Variants in ZNF704 observed in about 807,000 individuals in gnomAD.
ZNF704 encodes the protein glucocorticoid induced gene 1.
In ZNF704, 10 loss-of-function variants were observed where a neutral mutation model predicts 44.7. The observed-to-expected ratio is 0.22, with a 90% CI of 0.14 to 0.38. The LOEUF (loss-of-function observed/expected upper bound fraction) is 0.38. ZNF704 is among the 10% of genes least tolerant of loss of function. The probability of loss-of-function intolerance (pLI) is 1.00; values close to 1 mark genes in which losing one functional copy is unlikely to be tolerated. For synonymous variants in ZNF704, 211 were observed against 207.6 expected (o/e 1.02, Z -0.14); for missense variants, 390 against 545.5 (o/e 0.71, Z 2.84).
At chr8:80,657,555 T>C (rs911049732) in intron 7 of ZNF704, among the ~76,000 whole-genome samples, 5 of 152,004 alleles carry the variant, frequency 3.3e-5, no homozygotes, top group African/African-American at 9.7e-5. Context: ...TAGCCAGGTG[T>C]GATGGTGTGC....
intron 2 of ZNF704, among the ~76,000 whole-genome samples, chr8:80,763,105 T>A (rs758251977): frequency 6.6e-6 from 1 of 152,206 alleles, no homozygotes; most frequent in African/African-American, 2.4e-5. Flanking sequence ...TGGGCTGGCA[T>A]TGAGTGTCTG....
intron 1 of ZNF704, among the ~76,000 whole-genome samples, chr8:80,848,090 G>C (rs1808795976): frequency 6.6e-6 from 1 of 152,170 alleles, no homozygotes; most frequent in South Asian, 2.1e-4. Context: ...GGTACTGATA[G>C]CTGGATGAAT....
At chr8:80,836,059 G>A (rs890208921) in intron 1 of ZNF704, among the ~76,000 whole-genome samples, 1 of 152,050 alleles carries the variant, frequency 6.6e-6, no homozygotes, top group African/African-American at 2.4e-5. Flanking sequence ...CCTCCTAATG[G>A]TAGCCAGACT....
rs767310723 is a variant in ZNF704, at chr8:80,687,316, G to A, written c.468C>T (p.Pro156=). 6.2e-7 allele frequency: 1 copy of A among 1,612,584 alleles called. No individual in the cohort carries two copies. The highest frequency in any genetic ancestry group is 1.3e-5 in the African/African-American group (1 of 75,074). ...CGTCTGGCTGCGCGGGGCTGCGGAA[G>A]GGCTTGAAGCTGTCAGCCGAGAGCG... ...SPPLSADSFK[P]FRSPAQPDDG... is the part of the protein sequence containing the mutation. The change falls in exon 4 of 9, where the codon CCC becomes CCT. Residue 156 remains proline, a synonymous_variant. Coordinates refer to ENST00000327835, the MANE Select transcript of ZNF704 (RefSeq NM_001033723.3).
chr8:80,832,270 T>C (rs892324986), intron 1 of ZNF704, among the ~76,000 whole-genome samples: 1 of 152,232 alleles, frequency 6.6e-6, no homozygotes, highest in Non-Finnish European at 1.5e-5. Flanking sequence ...TTTCTCTAAA[T>C]GGTATCCTTT....
At position 80,637,037 on chromosome 8, in the gene ZNF704, ACCACCCCCACCCCGTCCC is replaced by A. The variant is rs1439613048; in HGVS notation, c.*4311_*4328del. On this transcript the variant is annotated 3_prime_UTR_variant, in exon 9 of 9. Transcript: ENST00000327835. Reference sequence around the variant, plus strand: ...AAAAGCCTTACGTGAGTCTAGGAATACCACCCCCACCCCGTCCCCCTCCCCCACCCCCAGGCATTGCAC... The same window carrying A: ...AAAAGCCTTACGTGAGTCTAGGAATACCTCCCCCACCCCCAGGCATTGCAC... 1 of 151,724 alleles carries A rather than the reference ACCACCCCCACCCCGTCCC, an allele frequency of 6.6e-6. No individual in the cohort carries two copies. Among genetic ancestry groups the A allele is most frequent in the Non-Finnish European group, 1.5e-5 (1 of 67,974 alleles). 9.4% of individuals were successfully genotyped at this position (151,724 alleles called of 1,614,324 possible). A position where few individuals can be genotyped will look rare whatever the true frequency, so the allele number is the denominator to read the frequency against.
At chr8:80,642,942 A>G in intron 8 of ZNF704, 93 bp downstream of exon 8, 1 of 812,436 alleles carries the variant, frequency 1.2e-6, no homozygotes, top group East Asian at 3.2e-5. Context: ...GAGAAATTTT[A>G]TAGAAGATCA....
At chr8:80,672,316 A>C (rs7840990) in intron 4 of ZNF704, among the ~76,000 whole-genome samples, 14,069 of 152,168 alleles carry the variant, frequency 0.092, 898 homozygotes, top group African/African-American at 0.18. Flanking sequence ...TACACTGGTG[A>C]CGGGAGTGTG....
At chr8:80,663,835 C>T (rs1364356069) in intron 6 of ZNF704, among the ~76,000 whole-genome samples, 2 of 151,848 alleles carry the variant, frequency 1.3e-5, no homozygotes, top group Non-Finnish European at 2.9e-5. Flanking sequence ...TCAGGTGATC[C>T]TCCCACACCT....
In ZNF704 at chr8:80,818,328, T is replaced by C. The variant is rs974946431; in HGVS notation, c.221+3046A>G. Reference sequence around the variant, plus strand: ...CCTGCTTTTTGGCCAAAATATCATATATATATTTTTAAACATTTATTATAT... The same window carrying C: ...CCTGCTTTTTGGCCAAAATATCATACATATATTTTTAAACATTTATTATAT... On this transcript the variant is annotated intron_variant, in intron 2 of 8. Transcript: ENST00000327835. 4.6e-5 allele frequency among the ~76,000 whole-genome samples: 7 copies of C among 152,094 alleles called. No individual in the cohort carries two copies. The South Asian group carries it at 6.2e-4, about 14-fold the overall frequency.
At chr8:80,879,101 C>T (rs1034737743), upstream of ZNF704, among the ~76,000 whole-genome samples, 3 of 152,074 alleles carry the variant, frequency 2.0e-5, no homozygotes, top group African/African-American at 7.2e-5. Flanking sequence ...AGTTGTGCTC[C>T]CCAAGGAGCT....
chr8:80,726,511 C>T (rs1806483135), intron 2 of ZNF704, among the ~76,000 whole-genome samples: 2 of 152,058 alleles, frequency 1.3e-5, no homozygotes, highest in South Asian at 4.2e-4. Flanking sequence ...AAATAACATC[C>T]TTTTCTGTTG....
intron 1 of ZNF704, among the ~76,000 whole-genome samples, chr8:80,822,861 G>A (rs1808302111): frequency 6.6e-6 from 1 of 152,132 alleles, no homozygotes; most frequent in Non-Finnish European, 1.5e-5. Flanking sequence ...AGAAGTGTCT[G>A]TTCATATCCT....
Position 80,845,458 on chromosome 8 carries a change from T to C in ZNF704, c.-21-23843A>G, listed in dbSNP as rs558486562. Among the ~76,000 whole-genome samples the C allele has an allele frequency of 6.6e-5, 10 of 152,344 alleles. No homozygotes were observed. The East Asian group carries it at 1.5e-3, about 23-fold the overall frequency. On this transcript the variant is annotated intron_variant, in intron 1 of 8. Coordinates refer to ENST00000327835, the MANE Select transcript of ZNF704 (RefSeq NM_001033723.3). ...TGGCTTAAATCAGATCAAAAAGAGT[T>C]AGCATGCTCCAGTATTCTGCATCCC...
At chr8:80,757,182 G>A (rs1807050384) in intron 2 of ZNF704, among the ~76,000 whole-genome samples, 1 of 152,200 alleles carries the variant, frequency 6.6e-6, no homozygotes, top group Admixed American at 6.5e-5. Flanking sequence ...TATCATAGGA[G>A]ATGACAGCTC....
At chr8:80,783,140 A>G (rs1807557618) in intron 2 of ZNF704, among the ~76,000 whole-genome samples, 1 of 152,132 alleles carries the variant, frequency 6.6e-6, no homozygotes, top group South Asian at 2.1e-4. Flanking sequence ...TGTGTTCAGC[A>G]GAGGTGTGTA....
intron 7 of ZNF704, among the ~76,000 whole-genome samples, chr8:80,647,005 TTGCATGAAGTGATA>T (rs1193787145): frequency 3.3e-5 from 5 of 152,322 alleles, no homozygotes; most frequent in Non-Finnish European, 7.4e-5. Flanking sequence ...CATAGCCCTT[TTGCATGAAGTGATA>T]TGAGATTATT....
At chr8:80,732,212 A>C (rs573536949) in intron 2 of ZNF704, among the ~76,000 whole-genome samples, 1 of 150,960 alleles carries the variant, frequency 6.6e-6, no homozygotes, top group Non-Finnish European at 1.5e-5. Flanking sequence ...TATATACTAC[A>C]CCCATTTTCG....
intron 2 of ZNF704, among the ~76,000 whole-genome samples, chr8:80,800,975 A>G (rs573072967): frequency 3.3e-5 from 5 of 152,300 alleles, no homozygotes; most frequent in African/African-American, 1.2e-4. Context: ...AAATGTACCA[A>G]GCAAATGGAA....
Sources: gnomAD v4.1 joint callset for allele counts (sites outside exome capture counted in the v4.1 genomes callset) on GRCh38, gnomAD v4.1.1 for gene constraint, MANE v1.5 for transcripts, NCBI Gene and HGNC (gene_info 2026-07-23, HGNC 2026-07-21) for gene names.